TUSC3: variants seen among roughly 807,000 people sequenced by gnomAD.
TUSC3 encodes dolichyl-diphosphooligosaccharide--protein glycosyltransferase subunit TUSC3.
Under a neutral mutation model 44.8 loss-of-function variants are expected in TUSC3, and 45 were observed. The ratio of observed to expected loss-of-function variants is 1.00; its 90% CI spans 0.79 to 1.29. The LOEUF is 1.29. Ranked by LOEUF, TUSC3 falls within the 50% of genes most tolerant of loss-of-function variation. The probability of loss-of-function intolerance (pLI) is 0.00; values close to 1 mark genes in which losing one functional copy is unlikely to be tolerated. For synonymous variants in TUSC3, 212 were observed against 152.9 expected, an observed-to-expected ratio of 1.39 and a Z score of -2.85; for missense variants, 519 against 437.9, an observed-to-expected ratio of 1.19 and a Z score of -1.65.
chr8:15,785,710 G>A, the TUSC3 span, among the ~76,000 whole-genome samples: 2 of 152,150 alleles, frequency 1.3e-5, no homozygotes, highest in South Asian at 2.1e-4. Context: ...GGTTATTAAT[G>A]GGCCTCACGT....
intron 6 of TUSC3, among the ~76,000 whole-genome samples, chr8:15,728,019 A>G (rs1810569709): frequency 6.6e-6 from 1 of 152,208 alleles, no homozygotes. Flanking sequence ...TACAAGTGTT[A>G]TAGATCAGTT....
chr8:15,563,466 T>TCA (rs1802550683), intron 1 of TUSC3, among the ~76,000 whole-genome samples: 1 of 151,884 alleles, frequency 6.6e-6, no homozygotes, highest in Admixed American at 6.6e-5. Flanking sequence ...GGTGGGCGGA[T>TCA]CACAAGGTCA....
At chr8:15,662,641 A>T (rs1807475038) in intron 5 of TUSC3, among the ~76,000 whole-genome samples, 1 of 152,016 alleles carries the variant, frequency 6.6e-6, no homozygotes, top group Admixed American at 6.6e-5. Context: ...TTTCTCATTC[A>T]GCTATTTCTT....
Position 15,642,248 on chromosome 8 carries a change from A to G in TUSC3, c.309-8449A>G, listed in dbSNP as rs117761955. On this transcript the variant is annotated intron_variant, in intron 2 of 10. Coordinates refer to ENST00000503731, the MANE Select transcript of TUSC3 (RefSeq NM_006765.4). The stretch of plus-strand genomic sequence containing the variant: ...CAATATATAATGCATATACTCAGAT[A>G]GTTAACTGGTTAATCAGTAGTTCAA... 3.3e-3 allele frequency among the ~76,000 whole-genome samples: 508 copies of G among 152,272 alleles called. 1 individual carries two copies. Among genetic ancestry groups the G allele is most frequent in the Non-Finnish European group, 6.0e-3 (405 of 68,004 alleles).
At chr8:15,522,531 C>A (rs1279869926) in intron 2 of TUSC3, among the ~76,000 whole-genome samples, 2 of 151,670 alleles carry the variant, frequency 1.3e-5, no homozygotes, top group Admixed American at 6.6e-5. Flanking sequence ...CCATGCCCAG[C>A]CTATTCAGCC....
At chr8:15,506,994 C>T (rs1801060381) in intron 2 of TUSC3, among the ~76,000 whole-genome samples, 1 of 152,180 alleles carries the variant, frequency 6.6e-6, no homozygotes, top group South Asian at 2.1e-4. Context: ...CTTTGTTTAA[C>T]TTAAACATGA....
chr8:15,710,276 C>G (rs752375314), intron 6 of TUSC3, among the ~76,000 whole-genome samples: 10 of 151,790 alleles, frequency 6.6e-5, no homozygotes, highest in Admixed American at 2.0e-4. Context: ...TAATTTTTTG[C>G]TTGGTTTGTA....
chr8:15,486,208 G>T (rs764476873), intron 2 of TUSC3, among the ~76,000 whole-genome samples: 14 of 152,128 alleles, frequency 9.2e-5, no homozygotes, highest in South Asian at 6.2e-4. Context: ...TATTTATGCA[G>T]CTATTTGTCA....
chr8:15,421,484 AC>A (rs1314992117), intron 1 of TUSC3, among the ~76,000 whole-genome samples: 1 of 152,194 alleles, frequency 6.6e-6, no homozygotes, highest in Non-Finnish European at 1.5e-5. Context: ...CTTATTAAAG[AC>A]ACTAAACTGC....
At chr8:15,497,165 C>G (rs1008868808) in intron 2 of TUSC3, among the ~76,000 whole-genome samples, 1 of 152,104 alleles carries the variant, frequency 6.6e-6, no homozygotes, top group Non-Finnish European at 1.5e-5. Context: ...ATGGCGTATT[C>G]TTGGTAAGCA....
At chr8:15,772,160 AAAAC>A in the TUSC3 span, among the ~76,000 whole-genome samples, 26 of 152,250 alleles carry the variant, frequency 1.7e-4, no homozygotes, top group African/African-American at 5.3e-4. Context: ...TGGAAAAAGA[AAAAC>A]AAACCCAAAA....
chr8:15,612,115 C>T (rs1205822807), intron 1 of TUSC3, among the ~76,000 whole-genome samples: 1 of 152,124 alleles, frequency 6.6e-6, no homozygotes, highest in Admixed American at 6.5e-5. Flanking sequence ...TGTTCTCATT[C>T]CAGATCTGCA....
chr8:15,788,801 C>G, the TUSC3 span, among the ~76,000 whole-genome samples: 2 of 152,128 alleles, frequency 1.3e-5, no homozygotes, highest in African/African-American at 4.8e-5. Context: ...ACATCCTCAT[C>G]ATTTCACACT....
chr8:15,590,829 G>A (rs1055765188), intron 1 of TUSC3, among the ~76,000 whole-genome samples: 5 of 151,716 alleles, frequency 3.3e-5, no homozygotes, highest in African/African-American at 1.2e-4. Context: ...ACACCACTGT[G>A]CCTGGCTAAT....
intron 2 of TUSC3, among the ~76,000 whole-genome samples, chr8:15,501,047 C>G (rs189422930): frequency 2.0e-5 from 3 of 151,780 alleles, no homozygotes; most frequent in Admixed American, 2.0e-4. Flanking sequence ...CTTCCTTGAC[C>G]CACCCAAGTC....
chr8:15,793,087 G>T, the TUSC3 span, among the ~76,000 whole-genome samples: 1 of 152,020 alleles, frequency 6.6e-6, no homozygotes, highest in Non-Finnish European at 1.5e-5. Flanking sequence ...CTGATCTGGA[G>T]GAAGAACTTC....
chr8:15,830,305 A>G, the TUSC3 span, among the ~76,000 whole-genome samples: 1 of 151,960 alleles, frequency 6.6e-6, no homozygotes, highest in Admixed American at 6.6e-5. Flanking sequence ...TCATTTTTCT[A>G]TGCTTGTTTT....
the TUSC3 span, among the ~76,000 whole-genome samples, chr8:15,796,376 G>A: frequency 6.6e-6 from 1 of 152,166 alleles, no homozygotes; most frequent in Non-Finnish European, 1.5e-5. Flanking sequence ...CTGTCAGTCT[G>A]TGGTTTTCCA....
At chr8:15,507,688 T>A (rs1801075964) in intron 2 of TUSC3, among the ~76,000 whole-genome samples, 1 of 152,178 alleles carries the variant, frequency 6.6e-6, no homozygotes. Flanking sequence ...AAATATGTTA[T>A]GAGCACTAAG....
Sources: allele counts gnomAD v4.1 joint callset (sites outside exome capture counted in the v4.1 genomes callset), GRCh38; gene constraint gnomAD v4.1.1; transcripts MANE v1.5; gene names NCBI Gene and HGNC (gene_info 2026-07-23, HGNC 2026-07-21).